RNLS: variants seen among roughly 807,000 people sequenced by gnomAD.
RNLS encodes renalase, FAD dependent amine oxidase.
A neutral mutation model predicts 39.8 loss-of-function variants in RNLS; 39 were observed. That is an observed-to-expected ratio of 0.98 (90% CI 0.76 to 1.28). The LOEUF is 1.28. Among genes scored for constraint, RNLS ranks in the 50% most tolerant of loss-of-function variants. RNLS has a pLI of 0.00. For synonymous variants in RNLS, 147 were observed against 150.7 expected (o/e 0.98, Z 0.18); for missense variants, 410 against 413.3 (o/e 0.99, Z 0.07).
At chr10:88,351,347 G>A (rs907776644) in intron 5 of RNLS, among the ~76,000 whole-genome samples, 3 of 152,224 alleles carry the variant, frequency 2.0e-5, no homozygotes, top group African/African-American at 7.2e-5. Context: ...TTCTTCTATG[G>A]TTTTTATGGT....
At chr10:88,256,476 G>C in the RNLS span, among the ~76,000 whole-genome samples, 207 of 152,296 alleles carry the variant, frequency 1.4e-3, 2 homozygotes, top group Non-Finnish European at 3.8e-4. Flanking sequence ...GTTAAGGTCG[G>C]CGGGAACTCG....
At chr10:88,243,521 C>T in the RNLS span, among the ~76,000 whole-genome samples, 1 of 152,316 alleles carries the variant, frequency 6.6e-6, no homozygotes, top group South Asian at 2.1e-4. Flanking sequence ...AGCCTTAGTC[C>T]TATTCCTCCT....
intron 5 of RNLS, among the ~76,000 whole-genome samples, chr10:88,333,800 C>A (rs1847294296): frequency 6.6e-6 from 1 of 152,182 alleles, no homozygotes; most frequent in Non-Finnish European, 1.5e-5. Context: ...GCTACGACTT[C>A]TTGAATGGGA....
At chr10:88,276,458 A>G (rs1564655773) in intron 6 of RNLS, among the ~76,000 whole-genome samples, 1 of 152,208 alleles carries the variant, frequency 6.6e-6, no homozygotes, top group Non-Finnish European at 1.5e-5. Flanking sequence ...TGGAAATTAT[A>G]GTAATATACG....
chr10:88,331,480 A>G (rs1246769461), intron 5 of RNLS, among the ~76,000 whole-genome samples: 1 of 152,252 alleles, frequency 6.6e-6, no homozygotes, highest in African/African-American at 2.4e-5. Context: ...GAGACACAGT[A>G]TTAAGGTCTT....
intron 6 of RNLS, among the ~76,000 whole-genome samples, chr10:88,302,755 G>A (rs544834258): frequency 4.0e-4 from 61 of 152,218 alleles, no homozygotes; most frequent in African/African-American, 1.4e-3. Flanking sequence ...ACTTTGAAGA[G>A]GACAACAATC....
chr10:88,290,257 T>C (rs1470798172), intron 6 of RNLS, among the ~76,000 whole-genome samples: 1 of 152,204 alleles, frequency 6.6e-6, no homozygotes. Context: ...GTCTGGCCTA[T>C]AGAGTGGCTT....
chr10:88,202,889 A>G, the RNLS span, among the ~76,000 whole-genome samples: 2 of 152,056 alleles, frequency 1.3e-5, no homozygotes, highest in African/African-American at 4.8e-5. Flanking sequence ...CCTTGCAAAC[A>G]CTGGCCACAT....
chr10:88,538,677 A>G (rs1847898592), intron 4 of RNLS, among the ~76,000 whole-genome samples: 1 of 152,158 alleles, frequency 6.6e-6, no homozygotes, highest in Admixed American at 6.6e-5. Context: ...TAAGGCAATA[A>G]GAAAACAATA....
chr10:88,413,691 A>C (rs1754513320), intron 4 of RNLS, among the ~76,000 whole-genome samples: 1 of 152,000 alleles, frequency 6.6e-6, no homozygotes, highest in Non-Finnish European at 1.5e-5. Flanking sequence ...CTTTCAGATA[A>C]CTCTTTTCAG....
intron 5 of RNLS, among the ~76,000 whole-genome samples, chr10:88,315,845 T>G (rs1035097785): frequency 6.6e-6 from 1 of 151,046 alleles, no homozygotes; most frequent in Non-Finnish European, 1.5e-5. Context: ...TTAAATAACA[T>G]AGTACACATG....
At chr10:88,330,070 GATATAT>G (rs59527333) in intron 5 of RNLS, among the ~76,000 whole-genome samples, 3 of 140,528 alleles carry the variant, frequency 2.1e-5, no homozygotes, top group East Asian at 2.0e-4. Flanking sequence ...TCTGTTTTGA[GATATAT>G]ATATATATAT....
chr10:88,505,453 G>A (rs1403341726), intron 4 of RNLS, among the ~76,000 whole-genome samples: 1 of 151,742 alleles, frequency 6.6e-6, no homozygotes, highest in Non-Finnish European at 1.5e-5. Context: ...GTTGGAGAAA[G>A]GGAGGACGGG....
the RNLS span, among the ~76,000 whole-genome samples, chr10:88,267,888 T>C: frequency 6.6e-6 from 1 of 152,200 alleles, no homozygotes; most frequent in Non-Finnish European, 1.5e-5. Context: ...GAGCCTGCCA[T>C]GGCTGTGCTG....
intron 4 of RNLS, among the ~76,000 whole-genome samples, chr10:88,433,917 T>C (rs1054002843): frequency 1.3e-5 from 2 of 152,156 alleles, no homozygotes; most frequent in Non-Finnish European, 2.9e-5. Context: ...TGGTTGATAG[T>C]GACAGTCTTT....
intron 4 of RNLS, among the ~76,000 whole-genome samples, chr10:88,566,771 G>C (rs1479492521): frequency 6.6e-6 from 1 of 152,048 alleles, no homozygotes; most frequent in Non-Finnish European, 1.5e-5. Flanking sequence ...GATACTCTGA[G>C]ATCATAATAA....
the RNLS span, among the ~76,000 whole-genome samples, chr10:88,185,137 C>G: frequency 1.8e-3 from 269 of 152,254 alleles, 1 homozygote; most frequent in Middle Eastern, 0.017. Flanking sequence ...TAGATTCAGA[C>G]TAGGTGTGCC....
intron 6 of RNLS, among the ~76,000 whole-genome samples, chr10:88,298,459 T>A (rs1356507555): frequency 6.6e-6 from 1 of 152,192 alleles, no homozygotes; most frequent in African/African-American, 2.4e-5. Context: ...GAAGTTTTAT[T>A]ATTTTACCTT....
chr10:88,355,805 C>G (rs1049024048), intron 5 of RNLS, among the ~76,000 whole-genome samples: 5 of 152,232 alleles, frequency 3.3e-5, no homozygotes, highest in African/African-American at 9.6e-5. Flanking sequence ...GCCCTGCCCC[C>G]AGAGGTGGGG....
Sources: gnomAD v4.1 joint callset for allele counts (sites outside exome capture counted in the v4.1 genomes callset) on GRCh38, gnomAD v4.1.1 for gene constraint, MANE v1.5 for transcripts, NCBI Gene and HGNC (gene_info 2026-07-23, HGNC 2026-07-21) for gene names.